Variants in MGAT4C observed in about 807,000 individuals in gnomAD.
The protein encoded by MGAT4C is alpha-1,3-mannosyl-glycoprotein 4-beta-N-acetylglucosaminyltransferase C.
Under a neutral mutation model 40.1 loss-of-function variants are expected in MGAT4C, and 19 were observed. The observed-to-expected ratio is 0.47, with a 90% CI of 0.33 to 0.70. The LOEUF is 0.70. Among genes scored for constraint, MGAT4C ranks in the 30% least tolerant of loss-of-function variants. The pLI, the probability that MGAT4C is intolerant of heterozygous loss-of-function variation, is 0.02. For missense variants in MGAT4C, 491 were observed against 563.2 expected (o/e 0.87, Z 1.30); for synonymous variants, 181 against 187.1 (o/e 0.97, Z 0.27).
chr12:86,444,331 A>T (rs555161033), intron 2 of MGAT4C, among the ~76,000 whole-genome samples: 1 of 152,266 alleles, frequency 6.6e-6, no homozygotes, highest in Non-Finnish European at 1.5e-5. Context: ...TCTGAATAAT[A>T]TGTTTGGAGT....
chr12:86,214,452 A>T (rs1950593160), intron 1 of MGAT4C, among the ~76,000 whole-genome samples: 2 of 152,176 alleles, frequency 1.3e-5, no homozygotes, highest in South Asian at 2.1e-4. Context: ...TCTTTGTCTG[A>T]TTCCATGTAG....
chr12:86,635,683 A>G (rs541198319), intron 2 of MGAT4C, among the ~76,000 whole-genome samples: 35 of 132,858 alleles, frequency 2.6e-4, no homozygotes, highest in African/African-American at 8.2e-4. Context: ...GTGTGTGTGT[A>G]TGTATGTTAA....
chr12:86,371,360 C>G (rs904737330), intron 3 of MGAT4C, among the ~76,000 whole-genome samples: 1 of 151,992 alleles, frequency 6.6e-6, no homozygotes, highest in Non-Finnish European at 1.5e-5. Context: ...CTAGGACAAT[C>G]AATCTTCCAT....
At chr12:86,533,612 C>T (rs961808854) in intron 2 of MGAT4C, among the ~76,000 whole-genome samples, 5 of 151,546 alleles carry the variant, frequency 3.3e-5, no homozygotes, top group South Asian at 2.1e-4. Flanking sequence ...TATTTATACA[C>T]ACTATGTACT....
chr12:86,318,937 T>C (rs537566085), intron 4 of MGAT4C, among the ~76,000 whole-genome samples: 15 of 152,304 alleles, frequency 9.8e-5, no homozygotes, highest in Admixed American at 2.6e-4. Context: ...TAAGTGTTAG[T>C]GATCAAGACA....
chr12:86,532,460 A>T (rs1242063956), intron 2 of MGAT4C, among the ~76,000 whole-genome samples: 1 of 152,060 alleles, frequency 6.6e-6, no homozygotes, highest in Admixed American at 6.6e-5. Flanking sequence ...ACAATGTAGA[A>T]AATTTGTACA....
At chr12:86,058,700 ATGTC>A (rs1893640849) in intron 1 of MGAT4C, among the ~76,000 whole-genome samples, 1 of 152,138 alleles carries the variant, frequency 6.6e-6, no homozygotes, top group Non-Finnish European at 1.5e-5. Flanking sequence ...GTGTAGAAAA[ATGTC>A]TTTCTCTCTT....
At chr12:86,369,548 T>C (rs2136210202) in intron 3 of MGAT4C, among the ~76,000 whole-genome samples, 1 of 152,138 alleles carries the variant, frequency 6.6e-6, no homozygotes, top group South Asian at 2.1e-4. Context: ...AAATTGCTTA[T>C]AGTTATAACA....
chr12:86,503,931 A>C (rs1201028628), intron 2 of MGAT4C, among the ~76,000 whole-genome samples: 2 of 150,230 alleles, frequency 1.3e-5, no homozygotes, highest in African/African-American at 4.9e-5. Context: ...ATATTCAACA[A>C]ACAACTTACG....
At chr12:86,832,219 A>T (rs574527212) in intron 1 of MGAT4C, among the ~76,000 whole-genome samples, 1 of 151,932 alleles carries the variant, frequency 6.6e-6, no homozygotes, top group South Asian at 2.1e-4. Flanking sequence ...ATGTCCCGCC[A>T]CAAAACCATT....
chr12:86,669,519 C>G (rs1204439758), intron 2 of MGAT4C, among the ~76,000 whole-genome samples: 1 of 152,178 alleles, frequency 6.6e-6, no homozygotes, highest in East Asian at 1.9e-4. Context: ...AGGCTGTCCC[C>G]CATCCCCATG....
At chr12:86,765,992 G>C (rs1164855984) in intron 1 of MGAT4C, among the ~76,000 whole-genome samples, 3 of 152,084 alleles carry the variant, frequency 2.0e-5, no homozygotes, top group Non-Finnish European at 4.4e-5. Context: ...ACATCATAAT[G>C]ACAGGATCAA....
chr12:86,362,866 C>CAAAAAAAAA (rs55701637), intron 3 of MGAT4C, among the ~76,000 whole-genome samples: 1 of 104,724 alleles, frequency 9.5e-6, no homozygotes, highest in East Asian at 2.9e-4. Context: ...GACTCCATCT[C>CAAAAAAAAA]AAAAAAAAAA....
In MGAT4C at chr12:86,344,313, C is replaced by T. The variant is rs987316411; in HGVS notation, c.-119-10186G>A. Among the ~76,000 whole-genome samples the T allele has an allele frequency of 7.2e-5, 11 of 152,248 alleles. No homozygotes were observed. In the South Asian group the frequency reaches 1.2e-3, roughly 17 times the overall value. On this transcript the variant is annotated intron_variant, in intron 3 of 7. Coordinates refer to the MGAT4C transcript ENST00000548651. ...TTTTTATATTTGTGCTTACTTTTAA[C>T]TTTAGGGACTATTCTATCACAAGGG... is the stretch of plus-strand genomic sequence containing the variant.
intron 1 of MGAT4C, among the ~76,000 whole-genome samples, chr12:86,836,179 T>G (rs1369808740): frequency 6.6e-6 from 1 of 152,022 alleles, no homozygotes; most frequent in East Asian, 1.9e-4. Context: ...TATAACACTT[T>G]GACATGTGAA....
chr12:86,211,849 C>T (rs1288761745), intron 1 of MGAT4C, among the ~76,000 whole-genome samples: 3 of 151,834 alleles, frequency 2.0e-5, no homozygotes, highest in African/African-American at 7.3e-5. Context: ...GAAAGTAAGC[C>T]CTGCTAATGT....
intron 2 of MGAT4C, among the ~76,000 whole-genome samples, chr12:86,639,619 T>C (rs1593069699): frequency 6.6e-6 from 1 of 151,752 alleles, no homozygotes; most frequent in African/African-American, 2.4e-5. Context: ...GAATAGTTTA[T>C]GCCTATATTA....
At chr12:86,059,275 C>T (rs1358051685) in intron 1 of MGAT4C, among the ~76,000 whole-genome samples, 1 of 152,182 alleles carries the variant, frequency 6.6e-6, no homozygotes, top group Non-Finnish European at 1.5e-5. Context: ...TTCCTGACCT[C>T]AAGTGATCCG....
chr12:86,660,785 T>C (rs1396226611), intron 2 of MGAT4C, among the ~76,000 whole-genome samples: 1 of 152,168 alleles, frequency 6.6e-6, no homozygotes, highest in Non-Finnish European at 1.5e-5. Flanking sequence ...CAGGGAGGGT[T>C]TGTTCCTAGT....
Sources: allele counts gnomAD v4.1 joint callset (sites outside exome capture counted in the v4.1 genomes callset), GRCh38; gene constraint gnomAD v4.1.1; transcripts MANE v1.5; gene names NCBI Gene and HGNC (gene_info 2026-07-23, HGNC 2026-07-21).